CNTN5: variants seen among roughly 807,000 people sequenced by gnomAD.
The protein encoded by CNTN5 is contactin-5.
CNTN5 carries 77 observed loss-of-function variants against 129.1 expected under a neutral mutation model. The observed-to-expected ratio is 0.60, with a 90% CI of 0.50 to 0.72. The LOEUF (loss-of-function observed/expected upper bound fraction) is 0.72. CNTN5 is among the 30% of genes least tolerant of loss of function. CNTN5 has a pLI of 0.00. For synonymous variants in CNTN5, 509 were observed against 465.6 expected (o/e 1.09, Z -1.20); for missense variants, 1,478 against 1,328.8 (o/e 1.11, Z -1.75).
chr11:100,241,831 C>T lies in CNTN5; in HGVS notation c.2006-13929C>T, dbSNP rs936192996. On this transcript the variant is annotated intron_variant, in intron 16 of 24. Coordinates refer to ENST00000524871, the MANE Select transcript of CNTN5 (RefSeq NM_014361.4). Reference sequence around the variant, plus strand: ...AACTATCACTGTCATTGAAACCATGCTGACAGAATCTACTGAAAAAGTAAC... The same window carrying T: ...AACTATCACTGTCATTGAAACCATGTTGACAGAATCTACTGAAAAAGTAAC... Among the ~76,000 whole-genome samples the T allele has an allele frequency of 2.6e-5, 4 of 152,324 alleles. No homozygotes were observed. In the East Asian group the frequency reaches 7.7e-4, roughly 29 times the overall value.
chr11:99,121,514 T>A (rs17133071), intron 1 of CNTN5, among the ~76,000 whole-genome samples: 8,880 of 152,266 alleles, frequency 0.058, 276 homozygotes, highest in African/African-American at 0.076. Flanking sequence ...CTGGGCCAAA[T>A]GTAGGATTAT....
intron 6 of CNTN5, among the ~76,000 whole-genome samples, chr11:99,878,881 A>C (rs978483527): frequency 6.6e-6 from 1 of 152,154 alleles, no homozygotes; most frequent in African/African-American, 2.4e-5. Flanking sequence ...ATTTTTTTTA[A>C]AAAAAGATGA....
chr11:99,712,239 G>A lies in CNTN5; in HGVS notation c.56-107305G>A, dbSNP rs556820888. ...TTTCTCTAATGACCAGTGATGATGA[G>A]CATTCTTTCATATGTTTTTTTGGCC... On this transcript the variant is annotated intron_variant, in intron 3 of 24. Coordinates refer to ENST00000524871, the MANE Select transcript of CNTN5 (RefSeq NM_014361.4). Among the ~76,000 whole-genome samples, 12 of 152,268 alleles carry A rather than the reference G, an allele frequency of 7.9e-5. No homozygotes were observed. In the South Asian group the frequency reaches 1.2e-3, roughly 16 times the overall value.
At chr11:99,552,108 A>G (rs1948506657) in intron 2 of CNTN5, among the ~76,000 whole-genome samples, 1 of 151,900 alleles carries the variant, frequency 6.6e-6, no homozygotes, top group African/African-American at 2.4e-5. Context: ...AGGTTTCACC[A>G]TGTTGGCCAG....
At chr11:99,861,083 G>A (rs1948190740) in intron 6 of CNTN5, among the ~76,000 whole-genome samples, 1 of 151,062 alleles carries the variant, frequency 6.6e-6, no homozygotes, top group South Asian at 2.1e-4. Context: ...AGCCTCCTGA[G>A]TAGGTAGGAC....
At chr11:100,219,025 C>T (rs1749516873) in intron 15 of CNTN5, among the ~76,000 whole-genome samples, 1 of 152,156 alleles carries the variant, frequency 6.6e-6, no homozygotes, top group Admixed American at 6.5e-5. Flanking sequence ...GGAATCAGTG[C>T]TCATACAATG....
chr11:99,511,097 A>AC (rs1273143915), intron 2 of CNTN5, among the ~76,000 whole-genome samples: 2 of 151,968 alleles, frequency 1.3e-5, no homozygotes, highest in Non-Finnish European at 2.9e-5. Context: ...AAATAGAAAA[A>AC]ATCTTATAGA....
chr11:99,056,603 A>T (rs1448188848), intron 1 of CNTN5, among the ~76,000 whole-genome samples: 1 of 152,032 alleles, frequency 6.6e-6, no homozygotes, highest in Non-Finnish European at 1.5e-5. Context: ...AATCACCAAT[A>T]TGATGTTCTA....
chr11:99,638,455 C>G (rs1358175803), intron 3 of CNTN5, among the ~76,000 whole-genome samples: 1 of 152,140 alleles, frequency 6.6e-6, no homozygotes, highest in Non-Finnish European at 1.5e-5. Context: ...CCCCCAAACT[C>G]TCGACTCATT....
intron 1 of CNTN5, among the ~76,000 whole-genome samples, chr11:99,218,295 AC>A (rs1354283071): frequency 6.6e-6 from 1 of 151,754 alleles, no homozygotes; most frequent in Non-Finnish European, 1.5e-5. Flanking sequence ...TTCTCTTTTG[AC>A]CTCTAAATTT....
chr11:99,105,993 C>T (rs1348542094), intron 1 of CNTN5, among the ~76,000 whole-genome samples: 1 of 152,086 alleles, frequency 6.6e-6, no homozygotes, highest in Non-Finnish European at 1.5e-5. Flanking sequence ...TATAATCACA[C>T]ATGAAAAATC....
rs148074018 is a variant in CNTN5 at position 99,709,508 on chromosome 11, AAAT to A, written c.56-110033_56-110031del. Among the ~76,000 whole-genome samples the A allele has an allele frequency of 8.2e-3, 1,238 of 151,432 alleles. 26 individuals are homozygous for A. In the East Asian group the frequency reaches 0.093, roughly 11 times the overall value. On this transcript the variant is annotated intron_variant, in intron 3 of 24. Coordinates refer to ENST00000524871, the MANE Select transcript of CNTN5 (RefSeq NM_014361.4). ...CACATGCACGTAATTACATTTGTAA[AAAT>A]AAAGACACATATGCATATATACATA...
intron 9 of CNTN5, among the ~76,000 whole-genome samples, chr11:100,034,854 A>G (rs1459868429): frequency 6.6e-6 from 1 of 152,144 alleles, no homozygotes; most frequent in African/African-American, 2.4e-5. Context: ...CTTTCAGGAT[A>G]TGTCCAGGTT....
chr11:99,404,801 A>G (rs1238577184), intron 2 of CNTN5, among the ~76,000 whole-genome samples: 1 of 152,080 alleles, frequency 6.6e-6, no homozygotes, highest in Non-Finnish European at 1.5e-5. Flanking sequence ...GATACTTACT[A>G]TTACCAGTGA....
At chr11:100,314,309 C>T (rs1342401557) in intron 21 of CNTN5, among the ~76,000 whole-genome samples, 2 of 152,054 alleles carry the variant, frequency 1.3e-5, no homozygotes, top group African/African-American at 4.8e-5. Flanking sequence ...GTATAATTAG[C>T]CACTGCAGAA....
chr11:100,252,097 A>T (rs1282216764), intron 16 of CNTN5, among the ~76,000 whole-genome samples: 1 of 152,038 alleles, frequency 6.6e-6, no homozygotes, highest in Non-Finnish European at 1.5e-5. Flanking sequence ...TGTCCTGCTG[A>T]TGATAGCCGT....
At chr11:99,777,359 TG>T (rs1945159595) in intron 3 of CNTN5, among the ~76,000 whole-genome samples, 1 of 151,906 alleles carries the variant, frequency 6.6e-6, no homozygotes, top group Admixed American at 6.6e-5. Flanking sequence ...CTGTTCAGGT[TG>T]TTTTTTGCAT....
chr11:99,285,829 G>A (rs1863913837), intron 1 of CNTN5, among the ~76,000 whole-genome samples: 1 of 151,934 alleles, frequency 6.6e-6, no homozygotes, highest in Admixed American at 6.6e-5. Context: ...CCTGAGTTCA[G>A]GACTTCGAGA....
intron 22 of CNTN5, 49 bp from the exon 23 acceptor site, chr11:100,341,044 A>G: frequency 7.8e-7 from 1 of 1,278,312 alleles, no homozygotes; most frequent in Non-Finnish European, 1.1e-6. Context: ...TAAATGAAGA[A>G]ATGTATTTAA....
Sources: gnomAD v4.1 joint callset for allele counts (sites outside exome capture counted in the v4.1 genomes callset) on GRCh38, gnomAD v4.1.1 for gene constraint, MANE v1.5 for transcripts, NCBI Gene and HGNC (gene_info 2026-07-23, HGNC 2026-07-21) for gene names.